Variants in CMTM8 observed in about 807,000 individuals in gnomAD.
CMTM8 encodes the protein CKLF-like MARVEL transmembrane domain-containing protein 8.
A neutral mutation model predicts 18.6 loss-of-function variants in CMTM8; 12 were observed. The ratio of observed to expected loss-of-function variants is 0.65; its 90% CI spans 0.41 to 1.05. The LOEUF is 1.05. CMTM8 is among the 50% of genes least tolerant of loss of function. CMTM8 has a pLI of 0.00. For synonymous variants in CMTM8, 87 were observed against 90.6 expected, an observed-to-expected ratio of 0.96 and a Z score of 0.23; for missense variants, 217 against 227.2, an observed-to-expected ratio of 0.95 and a Z score of 0.29.
intron 1 of CMTM8, among the ~76,000 whole-genome samples, chr3:32,268,645 A>G (rs1575153010): frequency 6.6e-6 from 1 of 152,144 alleles, no homozygotes; most frequent in Non-Finnish European, 1.5e-5. Flanking sequence ...TGACGAGTTC[A>G]TTTAGTCTAT....
chr3:32,299,645 T>C (rs2125562204), intron 1 of CMTM8, among the ~76,000 whole-genome samples: 1 of 152,314 alleles, frequency 6.6e-6, no homozygotes, highest in South Asian at 2.1e-4. Context: ...TATACTCTTC[T>C]TTATTTTTAA....
intron 1 of CMTM8, among the ~76,000 whole-genome samples, chr3:32,252,733 C>T (rs1368853383): frequency 1.3e-5 from 2 of 152,106 alleles, no homozygotes; most frequent in Admixed American, 1.3e-4. Flanking sequence ...TATTCTCATA[C>T]TTTTTGAATA....
intron 1 of CMTM8, among the ~76,000 whole-genome samples, chr3:32,307,295 C>T (rs879538550): frequency 3.9e-5 from 6 of 152,036 alleles, no homozygotes; most frequent in African/African-American, 7.2e-5. Flanking sequence ...GAGCTGAGAT[C>T]GCACCACTGC....
intron 1 of CMTM8, among the ~76,000 whole-genome samples, chr3:32,249,352 C>G (rs1702085563): frequency 6.6e-6 from 1 of 151,338 alleles, no homozygotes; most frequent in African/African-American, 2.4e-5. Context: ...ATCACTTGAG[C>G]CAGGGAAGTT....
intron 1 of CMTM8, among the ~76,000 whole-genome samples, chr3:32,338,592 A>G (rs1217740726): frequency 6.6e-6 from 1 of 152,148 alleles, no homozygotes; most frequent in Non-Finnish European, 1.5e-5. Context: ...GCTCAGGAAA[A>G]TAGTTATGTC....
chr3:32,342,661 A>G (rs1194538938), intron 1 of CMTM8, among the ~76,000 whole-genome samples: 4 of 152,220 alleles, frequency 2.6e-5, no homozygotes, highest in Admixed American at 1.3e-4. Context: ...AGCTCAGTCC[A>G]TACATGCAGG....
intron 1 of CMTM8, among the ~76,000 whole-genome samples, chr3:32,355,268 G>A (rs1267919655): frequency 1.3e-5 from 2 of 152,138 alleles, no homozygotes; most frequent in East Asian, 3.9e-4. Flanking sequence ...AACTACCTCA[G>A]ACTGAGTAGG....
At chr3:32,323,530 A>G in intron 1 of CMTM8, among the ~76,000 whole-genome samples, 1 of 152,192 alleles carries the variant, frequency 6.6e-6, no homozygotes, top group Non-Finnish European at 1.5e-5. Flanking sequence ...TAGTCTTTCC[A>G]TATAAACAGT....
At chr3:32,285,365 A>G (rs1702663080) in intron 1 of CMTM8, among the ~76,000 whole-genome samples, 1 of 152,056 alleles carries the variant, frequency 6.6e-6, no homozygotes, top group Non-Finnish European at 1.5e-5. Flanking sequence ...AAATACAAAA[A>G]TCAACTGGGC....
intron 1 of CMTM8, among the ~76,000 whole-genome samples, chr3:32,254,186 A>T (rs1447207277): frequency 2.0e-5 from 3 of 152,156 alleles, no homozygotes; most frequent in Admixed American, 6.5e-5. Flanking sequence ...GAGCCACTGC[A>T]CCCGGCCTTG....
At chr3:32,294,841 G>C (rs964239895) in intron 1 of CMTM8, among the ~76,000 whole-genome samples, 81 of 152,158 alleles carry the variant, frequency 5.3e-4, no homozygotes, top group Admixed American at 6.5e-5. Context: ...GATCACTCAA[G>C]GCCAGGAATT....
intron 1 of CMTM8, among the ~76,000 whole-genome samples, chr3:32,334,684 T>C (rs1213747675): frequency 1.3e-5 from 2 of 152,140 alleles, no homozygotes; most frequent in African/African-American, 4.8e-5. Flanking sequence ...CCAACTCGTG[T>C]TTTCTCTTAA....
intron 2 of CMTM8, among the ~76,000 whole-genome samples, chr3:32,367,323 A>G (rs1209537806): frequency 6.6e-6 from 1 of 152,252 alleles, no homozygotes; most frequent in African/African-American, 2.4e-5. Context: ...CAAGGGTAAC[A>G]TTAGTTCCCA....
intron 1 of CMTM8, among the ~76,000 whole-genome samples, chr3:32,322,140 CTG>C (rs900538289): frequency 7.9e-5 from 12 of 152,148 alleles, no homozygotes; most frequent in Admixed American, 5.2e-4. Context: ...TCTGAGTCTA[CTG>C]TGTGTGTGAG....
intron 1 of CMTM8, among the ~76,000 whole-genome samples, chr3:32,302,727 G>T (rs1241695576): frequency 6.6e-6 from 1 of 152,178 alleles, no homozygotes; most frequent in East Asian, 1.9e-4. Context: ...TGAGGGATCT[G>T]TTGAGAAAAG....
At chr3:32,288,489 AGTAGGCTATACAGCTATCATTTTTTTTTT>A (rs1489562978) in intron 1 of CMTM8, among the ~76,000 whole-genome samples, 1 of 142,122 alleles carries the variant, frequency 7.0e-6, no homozygotes, top group Non-Finnish European at 1.5e-5. Flanking sequence ...CACTGTGTTG[AGTAGGCTATACAGCTATCATTTTTTTTTT>A]GAAATGGAGT....
intron 1 of CMTM8, among the ~76,000 whole-genome samples, chr3:32,338,787 G>A (rs1032313391): frequency 1.3e-5 from 2 of 152,220 alleles, no homozygotes; most frequent in African/African-American, 4.8e-5. Flanking sequence ...CACTCACGGT[G>A]TCTGTACATA....
At chr3:32,319,520 C>T (rs1696003008) in intron 1 of CMTM8, among the ~76,000 whole-genome samples, 2 of 152,006 alleles carry the variant, frequency 1.3e-5, no homozygotes, top group Non-Finnish European at 2.9e-5. Context: ...AACACGAATC[C>T]TCAGTGCATA....
intron 1 of CMTM8, among the ~76,000 whole-genome samples, chr3:32,293,057 ATGTGTGTATATATG>A (rs1469215829): frequency 2.1e-5 from 3 of 141,854 alleles, no homozygotes; most frequent in Admixed American, 7.5e-5. Context: ...AGAATATATG[ATGTGTGTATATATG>A]TGTGTGTATA....
Sources: allele counts gnomAD v4.1 joint callset (sites outside exome capture counted in the v4.1 genomes callset), GRCh38; gene constraint gnomAD v4.1.1; transcripts MANE v1.5; gene names NCBI Gene and HGNC (gene_info 2026-07-23, HGNC 2026-07-21).